LINGO2: variants seen among roughly 807,000 people sequenced by gnomAD.
The protein encoded by LINGO2 is leucine-rich repeat and immunoglobulin-like domain-containing nogo receptor-interacting protein 2.
In LINGO2, 14 loss-of-function variants were observed where a neutral mutation model predicts 30.6. That is an observed-to-expected ratio of 0.46 (90% CI 0.30 to 0.72). The LOEUF (loss-of-function observed/expected upper bound fraction) is 0.72, where lower values mean the gene tolerates loss of function less well. LINGO2 is among the 30% of genes least tolerant of loss of function. The probability of loss-of-function intolerance (pLI) is 0.07; values close to 1 mark genes in which losing one functional copy is unlikely to be tolerated. For missense variants in LINGO2, 729 were observed against 751.7 expected (o/e 0.97, Z 0.35); for synonymous variants, 317 against 288.5 (o/e 1.10, Z -1.00).
At chr9:28,437,608 C>T (rs1453201914) in intron 2 of LINGO2, among the ~76,000 whole-genome samples, 1 of 151,622 alleles carries the variant, frequency 6.6e-6, no homozygotes, top group East Asian at 1.9e-4. Context: ...CACACACATA[C>T]AGATCACTTC....
Position 28,552,836 on chromosome 9 carries a change from T to A in LINGO2, c.-364-76811A>T, listed in dbSNP as rs74562531. 7.4e-3 allele frequency among the ~76,000 whole-genome samples: 1,125 copies of A among 151,730 alleles called. 33 individuals carry two copies. The East Asian group carries it at 0.095, about 13-fold the overall frequency. On this transcript the variant is annotated intron_variant, in intron 1 of 5. Coordinates refer to ENST00000379992, the Ensembl canonical transcript of LINGO2. ...GGAACAGCTTTTCAACTTTACCCCC[T>A]AAAACTTTCATTGTATTTTTCCATT...
chr9:28,677,147 G>C, the LINGO2 span, among the ~76,000 whole-genome samples: 1 of 152,062 alleles, frequency 6.6e-6, no homozygotes, highest in Non-Finnish European at 1.5e-5. Context: ...AAAAAGTTGT[G>C]GCACAGAGGG....
At chr9:28,860,776 T>C in the LINGO2 span, among the ~76,000 whole-genome samples, 1 of 149,284 alleles carries the variant, frequency 6.7e-6, no homozygotes, top group South Asian at 2.1e-4. Context: ...TCAATGATGA[T>C]GCAAAAGCAA....
chr9:28,086,992 T>A (rs1825934090), intron 4 of LINGO2, among the ~76,000 whole-genome samples: 1 of 152,130 alleles, frequency 6.6e-6, no homozygotes, highest in African/African-American at 2.4e-5. Context: ...GTTAGACTTG[T>A]GTGACAATGT....
At chr9:28,180,522 A>G (rs1828882509) in intron 4 of LINGO2, among the ~76,000 whole-genome samples, 1 of 152,132 alleles carries the variant, frequency 6.6e-6, no homozygotes, top group African/African-American at 2.4e-5. Flanking sequence ...TCCTCCCCCA[A>G]TTCTGTTGTC....
the LINGO2 span, among the ~76,000 whole-genome samples, chr9:29,149,108 A>T: frequency 1.7e-3 from 265 of 152,328 alleles, no homozygotes; most frequent in African/African-American, 6.2e-3. Context: ...ACAAAGCTCC[A>T]CAGTTCATTT....
intron 4 of LINGO2, among the ~76,000 whole-genome samples, chr9:28,137,404 C>T (rs1029194600): frequency 1.3e-5 from 2 of 152,028 alleles, no homozygotes; most frequent in African/African-American, 4.8e-5. Context: ...TCCTGAACAC[C>T]TCTACAACAA....
chr9:28,376,721 T>G (rs886205841), intron 2 of LINGO2, among the ~76,000 whole-genome samples: 6 of 152,184 alleles, frequency 3.9e-5, no homozygotes, highest in African/African-American at 7.2e-5. Context: ...ATTTCATGCA[T>G]GAAAACCTCT....
chr9:28,573,152 AG>A (rs1392169305), intron 1 of LINGO2, among the ~76,000 whole-genome samples: 1 of 152,210 alleles, frequency 6.6e-6, no homozygotes, highest in Non-Finnish European at 1.5e-5. Flanking sequence ...ACACAGTAAA[AG>A]CTGAAGGCAA....
At chr9:27,974,329 T>C (rs181332368) in intron 5 of LINGO2, among the ~76,000 whole-genome samples, 9 of 152,286 alleles carry the variant, frequency 5.9e-5, no homozygotes, top group African/African-American at 2.2e-4. Context: ...CACCATCTAT[T>C]TTTCTGCACT....
chr9:28,955,086 G>A, the LINGO2 span, among the ~76,000 whole-genome samples: 3 of 151,918 alleles, frequency 2.0e-5, no homozygotes, highest in South Asian at 2.1e-4. Flanking sequence ...AAAAAGAAAC[G>A]GAGATTAGGA....
intron 4 of LINGO2, among the ~76,000 whole-genome samples, chr9:28,075,072 C>T (rs1457700319): frequency 6.6e-6 from 1 of 151,782 alleles, no homozygotes; most frequent in Non-Finnish European, 1.5e-5. Flanking sequence ...TGAGGCCATT[C>T]CTTTCTCTTC....
Position 28,553,522 on chromosome 9 carries a change from T to C in LINGO2, c.-364-77497A>G, listed in dbSNP as rs111590549. Reference sequence around the variant, plus strand: ...GTGAAAAGACCAAATCTACGTCTGATTGGTGTACCTGGAAGTGATGGGGAG... The same window carrying C: ...GTGAAAAGACCAAATCTACGTCTGACTGGTGTACCTGGAAGTGATGGGGAG... On this transcript the variant is annotated intron_variant, in intron 1 of 5. Transcript: ENST00000379992. 6.0e-3 allele frequency among the ~76,000 whole-genome samples: 914 copies of C among 152,196 alleles called. 5 individuals carry two copies. The highest frequency in any genetic ancestry group is 0.021 in the African/African-American group (868 of 41,542).
the LINGO2 span, among the ~76,000 whole-genome samples, chr9:29,174,687 A>AAATGG: frequency 6.6e-6 from 1 of 152,228 alleles, no homozygotes; most frequent in Non-Finnish European, 1.5e-5. Context: ...GACCATGACT[A>AAATGG]AATGGAATGA....
intron 1 of LINGO2, among the ~76,000 whole-genome samples, chr9:28,514,349 A>T (rs910634718): frequency 6.6e-5 from 10 of 152,242 alleles, no homozygotes; most frequent in African/African-American, 2.4e-4. Flanking sequence ...AGAAAAACAC[A>T]TTGAAAGCTA....
the LINGO2 span, among the ~76,000 whole-genome samples, chr9:28,992,321 C>A: frequency 6.6e-6 from 1 of 152,134 alleles, no homozygotes; most frequent in African/African-American, 2.4e-5. Flanking sequence ...GCTAACTATC[C>A]TAAATATATA....
chr9:28,602,288 C>G (rs1825519340), intron 1 of LINGO2, among the ~76,000 whole-genome samples: 1 of 151,904 alleles, frequency 6.6e-6, no homozygotes, highest in Non-Finnish European at 1.5e-5. Flanking sequence ...CCCCATGTTG[C>G]AGGAGTCTGG....
chr9:28,547,744 C>G (rs1314186527), intron 1 of LINGO2, among the ~76,000 whole-genome samples: 5 of 152,002 alleles, frequency 3.3e-5, no homozygotes, highest in Non-Finnish European at 4.4e-5. Context: ...GAGTAGGAAA[C>G]TGGGCTTAGT....
chr9:28,450,038 C>A (rs1824588488), intron 2 of LINGO2, among the ~76,000 whole-genome samples: 1 of 151,988 alleles, frequency 6.6e-6, no homozygotes, highest in Admixed American at 6.6e-5. Context: ...CTTAGACTCC[C>A]TTCTTGAGAT....
Sources: gnomAD v4.1 joint callset for allele counts (sites outside exome capture counted in the v4.1 genomes callset) on GRCh38, gnomAD v4.1.1 for gene constraint, MANE v1.5 for transcripts, NCBI Gene and HGNC (gene_info 2026-07-23, HGNC 2026-07-21) for gene names.